The following ASCC2 variants were observed in gnomAD, a reference collection of about 807,000 sequenced individuals.
The protein encoded by ASCC2 is ASC-1 complex subunit P100.
Under a neutral mutation model 93.5 loss-of-function variants are expected in ASCC2, and 42 were observed. The observed-to-expected ratio is 0.45, with a 90% CI of 0.35 to 0.58. The LOEUF (loss-of-function observed/expected upper bound fraction) is 0.58, where lower values mean the gene tolerates loss of function less well. Ranked by LOEUF, ASCC2 falls within the 20% of genes least tolerant of loss-of-function variation. The probability of loss-of-function intolerance (pLI) is 0.00; values close to 1 mark genes in which losing one functional copy is unlikely to be tolerated. For missense variants in ASCC2, 859 were observed against 977.6 expected, an observed-to-expected ratio of 0.88 and a Z score of 1.62; for synonymous variants, 364 against 384.2, an observed-to-expected ratio of 0.95 and a Z score of 0.62.
At chr22:29,794,955 T>C (rs1180390113) in intron 15 of ASCC2, among the ~76,000 whole-genome samples, 2 of 136,520 alleles carry the variant, frequency 1.5e-5, no homozygotes, top group African/African-American at 5.6e-5. Flanking sequence ...TGTCTAAATC[T>C]TTTTTTTTTT....
intron 2 of ASCC2, among the ~76,000 whole-genome samples, chr22:29,830,141 G>A (rs537901892): frequency 6.6e-6 from 1 of 152,214 alleles, no homozygotes; most frequent in African/African-American, 2.4e-5. Context: ...TGTCCCTGCT[G>A]TCATCACCAT....
intron 4 of ASCC2, among the ~76,000 whole-genome samples, chr22:29,824,361 T>C (rs1322408100): frequency 6.6e-6 from 1 of 151,912 alleles, no homozygotes; most frequent in African/African-American, 2.4e-5. Flanking sequence ...ATGCCTGTAA[T>C]TCCAGCACTT....
chr22:29,831,731 G>A (rs1366988640), intron 2 of ASCC2, among the ~76,000 whole-genome samples: 2 of 152,124 alleles, frequency 1.3e-5, no homozygotes, highest in Non-Finnish European at 2.9e-5. Context: ...GCTGGTAATC[G>A]ACATGTTCAT....
Position 29,808,152 on chromosome 22 carries a change from T to G in ASCC2, c.867A>C (p.Glu289Asp). 1 of 1,614,214 alleles carries G rather than the reference T, an allele frequency of 6.2e-7. No homozygotes were observed. The highest frequency in any genetic ancestry group is 8.5e-7 in the Non-Finnish European group (1 of 1,180,044). Residue 289 changes from glutamate (E) to aspartate (D), a missense_variant, in exon 9 of 20, where the codon GAA becomes GAC. Glu to Asp is a conservative substitution (Grantham distance 45). Coordinates refer to ENST00000307790, the MANE Select transcript of ASCC2 (RefSeq NM_032204.5). Reference sequence around the variant, plus strand: ...TCCTCTTCTTAATTGCAGACTCCATTTCGGGAATTGCTGCTTCGTAGAAGG... The same window carrying G: ...TCCTCTTCTTAATTGCAGACTCCATGTCGGGAATTGCTGCTTCGTAGAAGG... ...LASFYEAAIP[E>D]MESAIKKRRL... is the part of the protein sequence containing the mutation.
rs2058053466 is a variant in ASCC2, at chr22:29,793,600, G to C, written c.1765C>G (p.Gln589Glu). The C allele has an allele frequency of 6.2e-7, 1 of 1,610,372 alleles. No homozygotes were observed. Among genetic ancestry groups the C allele is most frequent in the Admixed American group, 1.7e-5 (1 of 59,618 alleles). ...AVAAQRQRYE[Q>E]YSVVVEEVPL... is the part of the protein sequence containing the mutation. Reference sequence around the variant, plus strand: ...ACCTCCTCCACCACCACGCTGTACTGCTCGTAGCGCTGCCGCTGTGCCGCC... The same window carrying C: ...ACCTCCTCCACCACCACGCTGTACTCCTCGTAGCGCTGCCGCTGTGCCGCC... The change falls in exon 16 of 20, where the codon CAG (glutamine) becomes GAG (glutamate). Residue 589 changes from glutamine to glutamate, a missense_variant. Transcript: ENST00000307790.
intron 1 of ASCC2, chr22:29,832,706 C>A (rs774536158): frequency 3.4e-4 from 59 of 173,790 alleles, no homozygotes; most frequent in Admixed American, 6.2e-4. Context: ...CTGCCTCAGC[C>A]TCCCCAGTAG....
chr22:29,817,462 A>T (rs1181479987), intron 5 of ASCC2, among the ~76,000 whole-genome samples: 1 of 151,860 alleles, frequency 6.6e-6, no homozygotes, highest in East Asian at 1.9e-4. Flanking sequence ...TCAGAAAACC[A>T]TCCCTGTCCC....
At position 29,800,998 on chromosome 22, in the gene ASCC2, C is replaced by A; in HGVS notation, c.1681G>T (p.Gly561Cys). ...DSVDLSRVHK[G>C]KSTRKEENTR... ...ATGGCCCACTGCACTCACCTCTTGC[C>A]CTTGTGCACCCGGCTCAGGTCTACT... The change falls in exon 15 of 20, where the codon GGC becomes TGC. Residue 561 changes from glycine to cysteine, a missense_variant. Gly to Cys is a radical substitution (Grantham distance 159, BLOSUM62 -3). Transcript: ENST00000307790. 6.3e-7 allele frequency: 1 copy of A among 1,595,602 alleles called. No homozygotes were observed. The highest frequency in any genetic ancestry group is 8.6e-7 in the Non-Finnish European group (1 of 1,165,432).
chr22:29,829,849 A>G (rs78598313), intron 2 of ASCC2, among the ~76,000 whole-genome samples: 2,122 of 152,200 alleles, frequency 0.014, 45 homozygotes, highest in African/African-American at 0.048. Flanking sequence ...TGGGTCTTCA[A>G]GTATGTGCTA....
chr22:29,836,909 G>A (rs537710657), intron 1 of ASCC2, among the ~76,000 whole-genome samples: 5 of 152,288 alleles, frequency 3.3e-5, no homozygotes, highest in African/African-American at 4.8e-5. Context: ...AGAATATTAA[G>A]GTGGGCAAAT....
chr22:29,838,240 A>T lies in ASCC2; in HGVS notation c.-80T>A, dbSNP rs888460944. ...CGCCGCCGCCGCCGACCACGGTGACAGCTCCCTGAGCGCCCGCACTTCCGG... is the reference window on the plus strand; with the variant it reads ...CGCCGCCGCCGCCGACCACGGTGACTGCTCCCTGAGCGCCCGCACTTCCGG... On this transcript the variant is annotated 5_prime_UTR_variant, in exon 1 of 20. Coordinates refer to ENST00000307790, the MANE Select transcript of ASCC2 (RefSeq NM_032204.5). 2.5e-5 allele frequency: 11 copies of T among 437,652 alleles called. No individual in the cohort carries two copies. The highest frequency in any genetic ancestry group is 2.4e-4 in the African/African-American group (11 of 46,414). 27.1% of individuals were successfully genotyped at this position (437,652 alleles called of 1,614,324 possible).
chr22:29,822,907 A>C (rs993467882), intron 4 of ASCC2, among the ~76,000 whole-genome samples: 4 of 151,908 alleles, frequency 2.6e-5, no homozygotes, highest in African/African-American at 9.7e-5. Flanking sequence ...TTTTGTAGAG[A>C]TAGGGTTTCC....
At position 29,797,270 on chromosome 22, in the gene ASCC2, C is replaced by T. The variant is rs570805713; in HGVS notation, c.1689-3594G>A. ...AGCAAGCCCTGGGAATATGCAGGTG[C>T]CCCTGAAACCTCGCCACCTTTCCCT... On this transcript the variant is annotated intron_variant, in intron 15 of 19. Transcript: ENST00000307790. Among the ~76,000 whole-genome samples, 164 of 152,306 alleles carry T rather than the reference C, an allele frequency of 1.1e-3. 3 individuals carry two copies. The South Asian group carries it at 0.028, about 26-fold the overall frequency.
At position 29,793,643 on chromosome 22, in the gene ASCC2, C is replaced by T. The variant is rs1221862293; in HGVS notation, c.1722G>A (p.Leu574=). 2 of 1,591,754 alleles carry T rather than the reference C, an allele frequency of 1.3e-6. No homozygotes were observed. Among genetic ancestry groups the T allele is most frequent in the Non-Finnish European group, 1.7e-6 (2 of 1,169,866 alleles). ...GTGCCGCCACTGCACGCTTGTCGTT[C>T]AGCAAACTCCGCGTGTTTTCCTCCT... ...TRKEENTRSL[L]NDKRAVAAQR... Residue 574 remains leucine (L), a synonymous_variant, in exon 16 of 20, where the codon CTG becomes CTA. Coordinates refer to ENST00000307790, the MANE Select transcript of ASCC2 (RefSeq NM_032204.5).
chr22:29,835,883 T>C (rs917216053), intron 1 of ASCC2, among the ~76,000 whole-genome samples: 1 of 152,084 alleles, frequency 6.6e-6, no homozygotes. Flanking sequence ...AACTACAGTA[T>C]AGTAGAGAAA....
At chr22:29,813,886 G>A (rs2060549321) in intron 7 of ASCC2, among the ~76,000 whole-genome samples, 1 of 152,228 alleles carries the variant, frequency 6.6e-6, no homozygotes, top group South Asian at 2.1e-4. Context: ...AGGAACATCC[G>A]AGGCAGGACA....
In ASCC2 at chr22:29,818,352, TGA is replaced by T. The variant is rs1406426365; in HGVS notation, c.542-2281_542-2280del. Among the ~76,000 whole-genome samples, 3 of 151,054 alleles carry T rather than the reference TGA, an allele frequency of 2.0e-5. No homozygotes were observed. In the South Asian group the frequency reaches 6.3e-4, roughly 32 times the overall value. On this transcript the variant is annotated intron_variant, in intron 5 of 19. Coordinates refer to ENST00000307790, the MANE Select transcript of ASCC2 (RefSeq NM_032204.5). ...AAGAGAGCTGCTGTGTATGTGTGTG[TGA>T]GAGAGACAGACAGAAACTGCAGGTC...
chr22:29,802,312 T>G, intron 13 of ASCC2, 104 bp from the exon 14 acceptor site: 1 of 1,147,090 alleles, frequency 8.7e-7, no homozygotes. Flanking sequence ...CTGGTTCAAG[T>G]CCTGGGATTA....
intron 12 of ASCC2, 115 bp downstream of exon 12, chr22:29,806,101 G>T: frequency 8.7e-7 from 1 of 1,154,708 alleles, no homozygotes; most frequent in South Asian, 1.3e-5. Flanking sequence ...ACAGCTGGCT[G>T]ACCCATGCGT....
Sources: gnomAD v4.1 joint callset for allele counts (sites outside exome capture counted in the v4.1 genomes callset) on GRCh38, gnomAD v4.1.1 for gene constraint, MANE v1.5 for transcripts, NCBI Gene and HGNC (gene_info 2026-07-23, HGNC 2026-07-21) for gene names.